ZNF169: variants seen among roughly 807,000 people sequenced by gnomAD.
ZNF169 encodes zinc finger protein 169.
In ZNF169, 11 loss-of-function variants were observed where a neutral mutation model predicts 12.0. The ratio of observed to expected loss-of-function variants is 0.92; its 90% CI spans 0.58 to 1.52. The LOEUF (loss-of-function observed/expected upper bound fraction) is 1.52. Among genes scored for constraint, ZNF169 ranks in the 40% most tolerant of loss-of-function variants. The pLI is 0.00. For synonymous variants in ZNF169, 302 were observed against 286.5 expected (o/e 1.05, Z -0.55); for missense variants, 722 against 744.0 (o/e 0.97, Z 0.34).
rs1385801022 is a variant in ZNF169 at position 94,300,439 on chromosome 9, A to G, written c.881A>G (p.Glu294Gly). The stretch of plus-strand genomic sequence containing the variant: ...GGGGAGAAGCCGTATGTGTGCAGGG[A>G]ATGTGGGCGACACTTCAGGTATACA... ...HSGEKPYVCR[E>G]CGRHFRYTSS... The change falls in exon 5 of 5, where the codon GAA becomes GGA. Residue 294 changes from glutamate to glycine, a missense_variant. Transcript: ENST00000395395. 1 of 1,613,800 alleles carries G rather than the reference A, an allele frequency of 6.2e-7. No individual in the cohort carries two copies.
intron 1 of ZNF169, among the ~76,000 whole-genome samples, chr9:94,260,850 TCA>T (rs528916587): frequency 0.18 from 19,264 of 108,122 alleles, 2,633 homozygotes; most frequent in Middle Eastern, 0.25. Context: ...AGATGAAGTC[TCA>T]CTCTGTCGCC....
At position 94,275,614 on chromosome 9, in the gene ZNF169, G is replaced by A. The variant is rs552647731; in HGVS notation, c.-55-3144G>A. Among the ~76,000 whole-genome samples the A allele has an allele frequency of 2.0e-5, 3 of 152,056 alleles. No individual in the cohort carries two copies. In the South Asian group the frequency reaches 6.2e-4, roughly 32 times the overall value. ...GGTCTATTTCTCTTTCTCCTATTCT[G>A]TCATTTTTCTTCCTGTATTTTCTCT... On this transcript the variant is annotated intron_variant, in intron 1 of 4. Coordinates refer to ENST00000395395, the MANE Select transcript of ZNF169 (RefSeq NM_194320.4).
intron 2 of ZNF169, among the ~76,000 whole-genome samples, chr9:94,290,102 G>A (rs545423469): frequency 2.0e-5 from 3 of 151,992 alleles, no homozygotes; most frequent in East Asian, 3.9e-4. Context: ...TGGTCATATC[G>A]ATAGGCTAAA....
chr9:94,262,620 G>C (rs1830224741), intron 1 of ZNF169, among the ~76,000 whole-genome samples: 1 of 152,200 alleles, frequency 6.6e-6, no homozygotes, highest in Middle Eastern at 3.4e-3. Context: ...ACCATGCCCA[G>C]CTAAATTTTT....
At chr9:94,291,112 T>A (rs1564090850) in intron 2 of ZNF169, among the ~76,000 whole-genome samples, 1 of 132,746 alleles carries the variant, frequency 7.5e-6, no homozygotes, top group Non-Finnish European at 1.5e-5. Context: ...TGGAGTGTAG[T>A]GGTGTAATCT....
rs748206226 is a variant in ZNF169 at position 94,277,060 on chromosome 9, CAT to C, written c.-55-1696_-55-1695del. On this transcript the variant is annotated intron_variant, in intron 1 of 4. Coordinates refer to ENST00000395395, the MANE Select transcript of ZNF169 (RefSeq NM_194320.4). ...TTATATATTTTAGGGAAGTATGAAA[CAT>C]AAATACATTTAAGAAATACGTTGGT... Among the ~76,000 whole-genome samples, 38 of 152,250 alleles carry C rather than the reference CAT, an allele frequency of 2.5e-4. No individual in the cohort carries two copies. In the East Asian group the frequency reaches 3.7e-3, roughly 15 times the overall value.
intron 2 of ZNF169, among the ~76,000 whole-genome samples, chr9:94,285,644 G>A (rs963966498): frequency 2.6e-4 from 39 of 152,004 alleles, no homozygotes; most frequent in Admixed American, 1.8e-3. Flanking sequence ...AAATCATCCC[G>A]AAAGCAGCCA....
chr9:94,293,374 T>C (rs1830888269), intron 4 of ZNF169: 1 of 608,640 alleles, frequency 1.6e-6, no homozygotes, highest in Admixed American at 3.0e-5. Flanking sequence ...TTCAAAACAG[T>C]ACCTGTCCTT....
intron 1 of ZNF169, among the ~76,000 whole-genome samples, chr9:94,261,723 G>T (rs748726860): frequency 6.6e-6 from 1 of 152,166 alleles, no homozygotes; most frequent in Non-Finnish European, 1.5e-5. Context: ...ACTTAACCTC[G>T]TGGAGCTGCT....
chr9:94,292,636 T>TGTGTGCGCGC (rs1234782187), intron 3 of ZNF169, 169 bp downstream of exon 3: 2 of 825,798 alleles, frequency 2.4e-6, no homozygotes, highest in Non-Finnish European at 3.7e-6. Flanking sequence ...TGTGTGTGTG[T>TGTGTGCGCGC]GTGTGCGCGT....
intron 1 of ZNF169, among the ~76,000 whole-genome samples, chr9:94,270,687 AATAT>A (rs1272310310): frequency 4.5e-5 from 2 of 44,340 alleles, no homozygotes; most frequent in Non-Finnish European, 6.0e-5. Context: ...AATATATATA[AATAT>A]ATAATTTATA....
chr9:94,260,194 A>G (rs1308502683), intron 1 of ZNF169, among the ~76,000 whole-genome samples: 1 of 152,164 alleles, frequency 6.6e-6, no homozygotes, highest in Non-Finnish European at 1.5e-5. Flanking sequence ...CTGGGACTAC[A>G]GGCGCACGCC....
At chr9:94,293,611 G>A in intron 4 of ZNF169, 1 of 162,580 alleles carries the variant, frequency 6.2e-6, no homozygotes, top group Non-Finnish European at 1.3e-5. Context: ...AGTAGAGATG[G>A]GGTTTCACCT....
intron 2 of ZNF169, among the ~76,000 whole-genome samples, chr9:94,284,021 G>A (rs1225048927): frequency 7.1e-6 from 1 of 140,578 alleles, no homozygotes; most frequent in Non-Finnish European, 1.5e-5. Context: ...GCAGTGAGCC[G>A]AGATTGCACT....
intron 1 of ZNF169, among the ~76,000 whole-genome samples, chr9:94,271,446 A>G (rs1830419403): frequency 6.6e-6 from 1 of 151,894 alleles, no homozygotes; most frequent in African/African-American, 2.4e-5. Flanking sequence ...AACTGGCCAG[A>G]CTCAGTGGCT....
chr9:94,279,160 G>A (rs899139929), intron 2 of ZNF169, among the ~76,000 whole-genome samples: 4 of 152,118 alleles, frequency 2.6e-5, no homozygotes, highest in Admixed American at 1.3e-4. Flanking sequence ...GGGAGGCCGA[G>A]GCGGGAGGAT....
intron 4 of ZNF169, among the ~76,000 whole-genome samples, chr9:94,297,253 C>T (rs141484133): frequency 8.0e-5 from 12 of 150,080 alleles, no homozygotes; most frequent in African/African-American, 2.5e-4. Context: ...TCTTACAGTA[C>T]GTGAACACAG....
In ZNF169 at chr9:94,278,797, T is replaced by C; in HGVS notation, c.-16T>C. 6.2e-7 allele frequency: 1 copy of C among 1,613,708 alleles called. No homozygotes were observed. Among genetic ancestry groups the C allele is most frequent in the Non-Finnish European group, 8.5e-7 (1 of 1,179,862 alleles). On this transcript the variant is annotated 5_prime_UTR_variant, in exon 2 of 5. Transcript: ENST00000395395. ...CTTGACTCTCCTCTAGGAAGAGTAC[T>C]CCAGAGAGCAGGGATATGTCACCAG... is the stretch of plus-strand genomic sequence containing the variant.
Position 94,300,395 on chromosome 9 carries a change from A to C in ZNF169, c.837A>C (p.Ile279=), listed in dbSNP as rs114848895. Residue 279 remains isoleucine, a synonymous_variant, in exon 5 of 5, where the codon ATA becomes ATC. Coordinates refer to ENST00000395395, the MANE Select transcript of ZNF169 (RefSeq NM_194320.4). ...RRFSQKASLS[I]HQRKHSGEKP... ...TTAGCCAGAAGGCCTCCCTCTCCAT[A>C]CACCAGAGGAAGCACTCGGGGGAGA... 6.2e-7 allele frequency: 1 copy of C among 1,612,244 alleles called. No homozygotes were observed. Among genetic ancestry groups the C allele is most frequent in the Admixed American group, 1.7e-5 (1 of 59,860 alleles).
Sources: allele counts gnomAD v4.1 joint callset (sites outside exome capture counted in the v4.1 genomes callset), GRCh38; gene constraint gnomAD v4.1.1; transcripts MANE v1.5; gene names NCBI Gene and HGNC (gene_info 2026-07-23, HGNC 2026-07-21).